The following BRWD3 variants were observed in gnomAD, a reference collection of about 807,000 sequenced individuals.
BRWD3 encodes bromodomain and WD repeat domain containing 3, also known as bromodomain and WD repeat-containing protein 3.
In BRWD3, 10 loss-of-function variants were observed where a neutral mutation model predicts 149.7. That is an observed-to-expected ratio of 0.07 (90% CI 0.04 to 0.11). The LOEUF is 0.11. BRWD3 is among the 10% of genes least tolerant of loss of function. The pLI, the probability that BRWD3 is intolerant of heterozygous loss-of-function variation, is 1.00. For missense variants in BRWD3, 940 were observed against 1,373.2 expected (o/e 0.68, Z 4.99); for synonymous variants, 504 against 456.7 (o/e 1.10, Z -1.32).
intron 8 of BRWD3, among the ~76,000 whole-genome samples, chrX:80,740,036 A>G (rs995649311): frequency 1.6e-4 from 18 of 112,185 alleles, no homozygotes; most frequent in African/African-American, 5.5e-4. Flanking sequence ...TGAGATCACA[A>G]GTAACTGATA....
At chrX:80,764,815 G>T (rs919546129) in intron 6 of BRWD3, among the ~76,000 whole-genome samples, 1 of 111,082 alleles carries the variant, frequency 9.0e-6, no homozygotes, top group Non-Finnish European at 1.9e-5. Context: ...AACTCTTAAA[G>T]TTCAACAATG....
In BRWD3 at chrX:80,682,002, G is replaced by A. The variant is rs781570218; in HGVS notation, c.4490C>T (p.Ser1497Phe). 5.0e-6 allele frequency: 6 copies of A among 1,196,141 alleles called. No homozygotes were observed. The highest frequency in any genetic ancestry group is 5.7e-6 in the Non-Finnish European group (5 of 883,053). ...AAAACAAAAGACATATTTACCAGGA[G>A]ATGAGAAAGGAGAGCTAGTCCTGGC... is the stretch of plus-strand genomic sequence containing the variant. ...SHARTSSPFS[S>F]PVSDAAEGLS... Residue 1497 changes from serine (S) to phenylalanine (F), a missense_variant, in exon 39 of 41, where the codon TCT (serine) becomes TTT (phenylalanine). Ser to Phe is a radical substitution (Grantham distance 155). This residue lies in a region of BRWD3 where 349 missense variants were observed against 419.6 expected (regional missense o/e 0.83). Transcript: ENST00000373275.
rs1191121434 is a variant in BRWD3, at chrX:80,674,412, T to C, written c.*2197A>G. On this transcript the variant is annotated 3_prime_UTR_variant, in exon 41 of 41. Coordinates refer to ENST00000373275, the MANE Select transcript of BRWD3 (RefSeq NM_153252.5). ...GAGGTCAGCTCTTCATAGAAGAATG[T>C]CAACAAAAAATTTCAAACTAAAATG... 9.0e-6 allele frequency: 1 copy of C among 111,303 alleles called. No homozygotes were observed. The highest frequency in any genetic ancestry group is 3.3e-5 in the African/African-American group (1 of 30,683). 9.2% of individuals were successfully genotyped at this position (111,303 alleles called of 1,213,427 possible). A position where few individuals can be genotyped will look rare whatever the true frequency, so the allele number is the denominator to read the frequency against.
intron 25 of BRWD3, among the ~76,000 whole-genome samples, chrX:80,698,029 T>A (rs1290525345): frequency 1.8e-5 from 2 of 112,383 alleles, no homozygotes; most frequent in Non-Finnish European, 3.7e-5. Flanking sequence ...TGGTATCTTG[T>A]GGCTTTGATT....
chrX:80,709,361 A>T, intron 21 of BRWD3, 67 bp downstream of exon 21: 1 of 1,004,352 alleles, frequency 1.0e-6, no homozygotes, highest in Non-Finnish European at 1.4e-6. Context: ...TGACCCTTAA[A>T]CCCAAATGGA....
chrX:80,744,145 T>C lies in BRWD3; in HGVS notation c.700A>G (p.Asn234Asp). 8.3e-7 allele frequency: 1 copy of C among 1,211,233 alleles called. No individual in the cohort carries two copies. The highest frequency in any genetic ancestry group is 1.1e-6 in the Non-Finnish European group (1 of 895,016). Residue 234 changes from asparagine to aspartate, a missense_variant, in exon 8 of 41, where the codon AAC becomes GAC. Physicochemically the swap from Asn to Asp is conservative, Grantham distance 23 (BLOSUM62 1). This residue lies in a region of BRWD3 where 209 missense variants were observed against 396.8 expected (regional missense o/e 0.53). Coordinates refer to ENST00000373275, the MANE Select transcript of BRWD3 (RefSeq NM_153252.5). ...EISDMAVNYE[N>D]TLIAAGSCDK... is the part of the protein sequence containing the mutation. ...CAGCTGCCTGCAGCAATAAGAGTGTTTTCATAGTTAACAGCCATGTCAGAA... is the reference window on the plus strand; with the variant it reads ...CAGCTGCCTGCAGCAATAAGAGTGTCTTCATAGTTAACAGCCATGTCAGAA...
chrX:80,755,756 G>A (rs1011655462), intron 6 of BRWD3, among the ~76,000 whole-genome samples: 3 of 111,701 alleles, frequency 2.7e-5, no homozygotes, highest in East Asian at 2.8e-4. Flanking sequence ...GAATGGTTAC[G>A]TATTAAATTA....
chrX:80,730,882 C>T (rs2073320583), intron 12 of BRWD3, among the ~76,000 whole-genome samples: 1 of 111,666 alleles, frequency 9.0e-6, no homozygotes, highest in South Asian at 3.7e-4. Context: ...TTTACAAGTA[C>T]AAAACTACTA....
intron 12 of BRWD3, among the ~76,000 whole-genome samples, chrX:80,731,772 G>A (rs1404254211): frequency 3.7e-5 from 4 of 107,686 alleles, no homozygotes; most frequent in African/African-American, 1.4e-4. Context: ...GCGGAGGCCT[G>A]TAGTCCCAGC....
intron 35 of BRWD3, among the ~76,000 whole-genome samples, 163 bp downstream of exon 35, chrX:80,686,699 AT>A (rs779534796): frequency 9.0e-6 from 1 of 111,289 alleles, no homozygotes; most frequent in African/African-American, 3.3e-5. Context: ...ACACAATTAC[AT>A]TTTTTTAAAA....
intron 22 of BRWD3, among the ~76,000 whole-genome samples, chrX:80,706,916 T>C (rs1438327430): frequency 8.9e-6 from 1 of 112,672 alleles, no homozygotes; most frequent in Non-Finnish European, 1.9e-5. Flanking sequence ...AAGTATAGCA[T>C]AGTAAATAAA....
chrX:80,683,905 G>T, intron 37 of BRWD3, 105 bp downstream of exon 37: 1 of 761,041 alleles, frequency 1.3e-6, no homozygotes, highest in Non-Finnish European at 2.0e-6. Flanking sequence ...GTATCTTTAT[G>T]CATGCCTAAC....
At chrX:80,806,747 AATG>A (rs2074351403) in intron 4 of BRWD3, among the ~76,000 whole-genome samples, 1 of 112,590 alleles carries the variant, frequency 8.9e-6, no homozygotes, top group Non-Finnish European at 1.9e-5. Flanking sequence ...CCATTAAAAT[AATG>A]ATGACTATTC....
chrX:80,700,600 G>A (rs2072772624), intron 24 of BRWD3, among the ~76,000 whole-genome samples: 1 of 105,051 alleles, frequency 9.5e-6, no homozygotes, highest in Non-Finnish European at 1.9e-5. Flanking sequence ...AGCTGGGCAT[G>A]GTGACACATG....
rs746057761 is a variant in BRWD3, at chrX:80,735,188, C to T, written c.924G>A (p.Pro308=). The change falls in exon 10 of 41, where the codon CCG becomes CCA. Residue 308 remains proline (P), a synonymous_variant. Transcript: ENST00000373275. ...HVKTMKFRDR[P]VKFTERSRPG... ...GTCTGGATCTCTCAGTAAATTTCAC[C>T]GGGCGATCTCTAAAGATAAAAATAA... The T allele has an allele frequency of 3.3e-6, 4 of 1,204,955 alleles. No homozygotes were observed. Among genetic ancestry groups the T allele is most frequent in the Admixed American group, 4.4e-5 (2 of 45,891 alleles).
intron 4 of BRWD3, among the ~76,000 whole-genome samples, chrX:80,806,903 T>C (rs2074353535): frequency 8.9e-6 from 1 of 112,371 alleles, no homozygotes; most frequent in Admixed American, 9.4e-5. Flanking sequence ...GAGGAGACTA[T>C]TTTTTAATTA....
chrX:80,805,204 G>GA (rs1213556232), intron 4 of BRWD3, among the ~76,000 whole-genome samples: 1 of 111,485 alleles, frequency 9.0e-6, no homozygotes, highest in Non-Finnish European at 1.9e-5. Context: ...TATAAACACT[G>GA]AATCAGATGA....
At position 80,671,809 on chromosome X, in the gene BRWD3, A is replaced by G. The variant is rs1371744196; in HGVS notation, c.*4800T>C. On this transcript the variant is annotated 3_prime_UTR_variant, in exon 41 of 41. Coordinates refer to ENST00000373275, the MANE Select transcript of BRWD3 (RefSeq NM_153252.5). Reference sequence around the variant, plus strand: ...TGGATACCAAGAACAAAAAAAAGGTACAGTTATGTTAATACTGTGTAAGAC... The same window carrying G: ...TGGATACCAAGAACAAAAAAAAGGTGCAGTTATGTTAATACTGTGTAAGAC... 1.8e-5 allele frequency: 2 copies of G among 112,114 alleles called. No individual in the cohort carries two copies. The highest frequency in any genetic ancestry group is 5.6e-4 in the East Asian group (2 of 3,569). The allele number at this position is 112,114 out of a possible 1,213,427, so 9.2% of individuals were successfully genotyped here.
chrX:80,806,756 T>A (rs2074351521), intron 4 of BRWD3, among the ~76,000 whole-genome samples: 1 of 112,512 alleles, frequency 8.9e-6, no homozygotes, highest in African/African-American at 3.2e-5. Context: ...TAATGATGAC[T>A]ATTCAAATAC....
Sources: gnomAD v4.1 joint callset for allele counts (sites outside exome capture counted in the v4.1 genomes callset) on GRCh38, gnomAD v4.1.1 for gene constraint, gnomAD v4.1.1 regional missense constraint, MANE v1.5 for transcripts, NCBI Gene and HGNC (gene_info 2026-07-23, HGNC 2026-07-21) for gene names.